Variants in ENOX1 observed in about 807,000 individuals in gnomAD.
ENOX1 encodes the protein candidate growth-related and time keeping constitutive hydroquinone (NADH) oxidase.
In ENOX1, 42 loss-of-function variants were observed where a neutral mutation model predicts 82.5. The observed-to-expected ratio is 0.51, with a 90% CI of 0.40 to 0.66. ENOX1 has a LOEUF of 0.66. ENOX1 is among the 30% of genes least tolerant of loss of function. The pLI is 0.00. For missense variants in ENOX1, 608 were observed against 811.6 expected (o/e 0.75, Z 3.05); for synonymous variants, 271 against 282.2 (o/e 0.96, Z 0.40).
At chr13:43,701,393 G>C (rs935011043) in intron 1 of ENOX1, among the ~76,000 whole-genome samples, 1 of 152,072 alleles carries the variant, frequency 6.6e-6, no homozygotes, top group African/African-American at 2.4e-5. Context: ...GGTGCACACG[G>C]TTACAAACCA....
intron 1 of ENOX1, among the ~76,000 whole-genome samples, chr13:43,765,549 A>C (rs1594740203): frequency 1.3e-5 from 2 of 152,144 alleles, no homozygotes; most frequent in East Asian, 3.9e-4. Context: ...AATGCTGATC[A>C]CACACTGTTA....
chr13:43,232,174 TCCTCCTGCCTTGG>T (rs2042318797), intron 15 of ENOX1, among the ~76,000 whole-genome samples: 1 of 147,878 alleles, frequency 6.8e-6, no homozygotes, highest in Non-Finnish European at 1.5e-5. Context: ...GCTCAAGTGA[TCCTCCTGCCTTGG>T]CCTCCCAAGG....
intron 11 of ENOX1, among the ~76,000 whole-genome samples, chr13:43,317,587 A>G (rs970775920): frequency 2.6e-5 from 4 of 151,958 alleles, no homozygotes; most frequent in African/African-American, 7.2e-5. Flanking sequence ...TTCCAGCTAC[A>G]TATATAACTA....
chr13:43,494,962 G>C (rs887437753), intron 2 of ENOX1, among the ~76,000 whole-genome samples: 2 of 152,128 alleles, frequency 1.3e-5, no homozygotes, highest in African/African-American at 2.4e-5. Context: ...GCCTAGGTGT[G>C]GGGGAGACTG....
chr13:43,270,287 A>C (rs1426682823), intron 12 of ENOX1, among the ~76,000 whole-genome samples: 1 of 152,196 alleles, frequency 6.6e-6, no homozygotes, highest in Non-Finnish European at 1.5e-5. Flanking sequence ...GTGATATGTT[A>C]ATATATACAT....
At chr13:43,758,363 GA>G (rs201601724) in intron 1 of ENOX1, among the ~76,000 whole-genome samples, 41 of 151,300 alleles carry the variant, frequency 2.7e-4, no homozygotes, top group African/African-American at 8.0e-4. Flanking sequence ...ATGCTGAGAG[GA>G]AAAAAAAAGA....
chr13:43,348,488 A>AGG (rs538289370), intron 8 of ENOX1, among the ~76,000 whole-genome samples: 353 of 152,364 alleles, frequency 2.3e-3, no homozygotes, highest in Middle Eastern at 3.4e-3. Flanking sequence ...CCTAGGTCTC[A>AGG]GTTAACTGTG....
chr13:43,349,838 T>G (rs1309698539), intron 8 of ENOX1, among the ~76,000 whole-genome samples: 3 of 151,978 alleles, frequency 2.0e-5, no homozygotes, highest in Non-Finnish European at 2.9e-5. Flanking sequence ...AAGGAATAGA[T>G]GTGATTCTTA....
chr13:43,746,240 T>C (rs1950012886), intron 1 of ENOX1, among the ~76,000 whole-genome samples: 1 of 152,204 alleles, frequency 6.6e-6, no homozygotes, highest in Admixed American at 6.5e-5. Context: ...AATTATGGAA[T>C]GGGAGATTTA....
chr13:43,756,976 A>ACAACAACAAC lies in ENOX1; in HGVS notation c.-285+29675_-285+29676insGTTGTTGTTG, dbSNP rs769130265. 2.4e-3 allele frequency among the ~76,000 whole-genome samples: 360 copies of ACAACAACAAC among 149,188 alleles called. 2 individuals carry two copies. Among genetic ancestry groups the ACAACAACAAC allele is most frequent in the African/African-American group, 6.9e-3 (278 of 40,408 alleles). On this transcript the variant is annotated intron_variant, in intron 1 of 16. Coordinates refer to ENST00000690772, the MANE Select transcript of ENOX1 (RefSeq NM_001347969.2). ...CAACAACAACAAAAACAACAACAAAAAAAAAAAAAAAAAAAAAAGCTGGAT... is the reference window on the plus strand; with the variant it reads ...CAACAACAACAAAAACAACAACAAAACAACAACAACAAAAAAAAAAAAAAAAAAGCTGGAT...
chr13:43,719,676 G>A (rs569081806), intron 1 of ENOX1, among the ~76,000 whole-genome samples: 1 of 152,208 alleles, frequency 6.6e-6, no homozygotes, highest in African/African-American at 2.4e-5. Flanking sequence ...CGCACCAAGT[G>A]TGGACAGTCT....
At chr13:43,303,681 T>G (rs2046710002) in intron 11 of ENOX1, among the ~76,000 whole-genome samples, 1 of 152,212 alleles carries the variant, frequency 6.6e-6, no homozygotes, top group South Asian at 2.1e-4. Context: ...GTAACACTTT[T>G]TTTTTTGGTT....
At chr13:43,403,870 A>G (rs1373539134) in intron 5 of ENOX1, among the ~76,000 whole-genome samples, 1 of 152,108 alleles carries the variant, frequency 6.6e-6, no homozygotes. Context: ...AAAAAGAAAG[A>G]AAAAGAAACA....
chr13:43,469,525 CTGAAA>C (rs574567009), intron 3 of ENOX1, among the ~76,000 whole-genome samples: 222 of 151,736 alleles, frequency 1.5e-3, no homozygotes, highest in African/African-American at 5.1e-3. Flanking sequence ...TAAATTCTAT[CTGAAA>C]TATTTAAAAA....
chr13:43,435,953 A>T (rs9533486), intron 3 of ENOX1, among the ~76,000 whole-genome samples: 11 of 150,118 alleles, frequency 7.3e-5, no homozygotes, highest in African/African-American at 2.7e-4. Context: ...AAACCAACCT[A>T]TGTGGGAAGA....
chr13:43,282,063 C>G, intron 12 of ENOX1, among the ~76,000 whole-genome samples: 1 of 152,016 alleles, frequency 6.6e-6, no homozygotes. Context: ...CTTTCTATTC[C>G]AAGTTGTTAA....
At chr13:43,538,182 C>A (rs1305826550) in intron 2 of ENOX1, among the ~76,000 whole-genome samples, 1 of 152,252 alleles carries the variant, frequency 6.6e-6, no homozygotes, top group Non-Finnish European at 1.5e-5. Context: ...TAATGCCTAA[C>A]TTAACATCAT....
At chr13:43,583,278 C>T (rs1372371828) in intron 2 of ENOX1, among the ~76,000 whole-genome samples, 3 of 152,252 alleles carry the variant, frequency 2.0e-5, no homozygotes, top group Non-Finnish European at 4.4e-5. Flanking sequence ...TAGAATCCAA[C>T]AGCAATTAAA....
At chr13:43,260,690 A>G (rs2044006765) in intron 14 of ENOX1, among the ~76,000 whole-genome samples, 1 of 152,224 alleles carries the variant, frequency 6.6e-6, no homozygotes, top group African/African-American at 2.4e-5. Context: ...ATATATATTT[A>G]CAATTTAAGA....
Sources: gnomAD v4.1 joint callset for allele counts (sites outside exome capture counted in the v4.1 genomes callset) on GRCh38, gnomAD v4.1.1 for gene constraint, MANE v1.5 for transcripts, NCBI Gene and HGNC (gene_info 2026-07-23, HGNC 2026-07-21) for gene names.